Variants in KDM4B observed in about 807,000 individuals in gnomAD.
KDM4B encodes lysine-specific demethylase 4B.
A neutral mutation model predicts 125.2 loss-of-function variants in KDM4B; 32 were observed. The observed-to-expected ratio is 0.26, with a 90% CI of 0.19 to 0.34. The LOEUF (loss-of-function observed/expected upper bound fraction) is 0.34, where lower values mean the gene tolerates loss of function less well. Among genes scored for constraint, KDM4B ranks in the 10% least tolerant of loss-of-function variants. The pLI, the probability that KDM4B is intolerant of heterozygous loss-of-function variation, is 1.00. For synonymous variants in KDM4B, 721 were observed against 677.9 expected (o/e 1.06, Z -0.99); for missense variants, 1,190 against 1,577.7 (o/e 0.75, Z 4.16).
chr19:5,106,384 G>A (rs1297254083), intron 9 of KDM4B, among the ~76,000 whole-genome samples: 1 of 152,174 alleles, frequency 6.6e-6, no homozygotes, highest in Non-Finnish European at 1.5e-5. Context: ...TGCCTGGAGT[G>A]TGCAAAGATC....
chr19:5,047,181 A>G (rs1218415658), intron 5 of KDM4B: 2 of 349,742 alleles, frequency 5.7e-6, no homozygotes, highest in Non-Finnish European at 1.0e-5. Flanking sequence ...CCTATAGCCT[A>G]TAGTCCCAGG....
chr19:5,148,258 A>G (rs1268124001), intron 21 of KDM4B, among the ~76,000 whole-genome samples: 1 of 152,214 alleles, frequency 6.6e-6, no homozygotes, highest in Non-Finnish European at 1.5e-5. Flanking sequence ...GGAGACTCAT[A>G]GTGAAAGCAC....
At chr19:5,018,708 G>C (rs1189029767) in intron 2 of KDM4B, among the ~76,000 whole-genome samples, 1 of 152,188 alleles carries the variant, frequency 6.6e-6, no homozygotes, top group East Asian at 1.9e-4. Flanking sequence ...GTCCCCCTCA[G>C]CAGTTGCTCT....
At chr19:4,996,712 A>G (rs866175255) in intron 1 of KDM4B, among the ~76,000 whole-genome samples, 15 of 152,006 alleles carry the variant, frequency 9.9e-5, no homozygotes, top group South Asian at 2.1e-4. Flanking sequence ...CCCTCCTTAT[A>G]ACCTGTCTCC....
At chr19:5,130,902 G>A (rs115091310) in intron 11 of KDM4B, among the ~76,000 whole-genome samples, 174 bp from the exon 12 acceptor site, 3 of 152,374 alleles carry the variant, frequency 2.0e-5, no homozygotes, top group African/African-American at 4.8e-5. Context: ...GTGCCCCTGC[G>A]GTGATCTGAG....
chr19:5,009,845 C>T (rs1021840791), intron 1 of KDM4B, among the ~76,000 whole-genome samples: 11 of 152,136 alleles, frequency 7.2e-5, no homozygotes, highest in Non-Finnish European at 1.3e-4. Flanking sequence ...GATTCTCCTG[C>T]CTCAGCCTCC....
At chr19:5,122,381 C>A (rs1422856007) in intron 11 of KDM4B, among the ~76,000 whole-genome samples, 2 of 152,206 alleles carry the variant, frequency 1.3e-5, no homozygotes, top group East Asian at 3.9e-4. Context: ...CTGAATATTC[C>A]TTCTGCCACG....
In KDM4B at chr19:5,054,487, TGTGC is replaced by T. The variant is rs1287464237; in HGVS notation, c.626+6820_626+6823del. 7.0e-5 allele frequency among the ~76,000 whole-genome samples: 8 copies of T among 114,706 alleles called. No homozygotes were observed. The East Asian group carries it at 1.1e-3, about 15-fold the overall frequency. The allele number at this position is 114,706 out of a possible 152,430, so 75.3% of individuals were successfully genotyped here. On this transcript the variant is annotated intron_variant, in intron 6 of 22. Transcript: ENST00000159111. Reference sequence around the variant, plus strand: ...ATGTGTGTGTGTGTGTGTGTGTGTGTGTGCGCGCGCATGCACATGCGTACACATG... The same window carrying T: ...ATGTGTGTGTGTGTGTGTGTGTGTGTGCGCGCATGCACATGCGTACACATG...
chr19:5,014,534 C>T (rs1333559198), intron 1 of KDM4B, among the ~76,000 whole-genome samples: 2 of 152,110 alleles, frequency 1.3e-5, no homozygotes, highest in Non-Finnish European at 2.9e-5. Flanking sequence ...CTCGGCCTCC[C>T]AAAGTGCTGG....
At chr19:4,988,898 C>T (rs1272859234) in intron 1 of KDM4B, among the ~76,000 whole-genome samples, 1 of 152,242 alleles carries the variant, frequency 6.6e-6, no homozygotes, top group Non-Finnish European at 1.5e-5. Flanking sequence ...ATGCCCCTCC[C>T]CTCCCGTCCA....
chr19:5,083,940 C>A (rs2038386335), intron 9 of KDM4B, among the ~76,000 whole-genome samples: 1 of 152,156 alleles, frequency 6.6e-6, no homozygotes, highest in African/African-American at 2.4e-5. Context: ...TTGACTCTCG[C>A]AGCATTTTCT....
At chr19:5,085,744 AC>A (rs1289888690) in intron 9 of KDM4B, among the ~76,000 whole-genome samples, 1 of 152,122 alleles carries the variant, frequency 6.6e-6, no homozygotes, top group East Asian at 1.9e-4. Context: ...CGAGGGCCTT[AC>A]GCAGGGAGTG....
chr19:5,025,684 G>A (rs953862526), intron 2 of KDM4B, among the ~76,000 whole-genome samples: 1 of 152,144 alleles, frequency 6.6e-6, no homozygotes, highest in African/African-American at 2.4e-5. Context: ...GGCCTCTGGG[G>A]CCTTAGCTCT....
At chr19:5,051,396 A>G (rs1422568091) in intron 6 of KDM4B, among the ~76,000 whole-genome samples, 1 of 152,142 alleles carries the variant, frequency 6.6e-6, no homozygotes, top group African/African-American at 2.4e-5. Flanking sequence ...CCCCCAACCC[A>G]TCAGACACCC....
chr19:5,117,094 C>T (rs2039271770), intron 10 of KDM4B, among the ~76,000 whole-genome samples: 1 of 152,256 alleles, frequency 6.6e-6, no homozygotes, highest in East Asian at 1.9e-4. Context: ...TTGAGCCCTA[C>T]CCAGTTCCAT....
intron 9 of KDM4B, among the ~76,000 whole-genome samples, chr19:5,088,580 C>T (rs530181517): frequency 3.6e-4 from 54 of 152,022 alleles, no homozygotes; most frequent in Admixed American, 7.9e-4. Context: ...CTAGGCCGTT[C>T]ATCTGTGGGC....
At chr19:5,038,672 C>A (rs2036708811) in intron 3 of KDM4B, among the ~76,000 whole-genome samples, 2 of 152,238 alleles carry the variant, frequency 1.3e-5, no homozygotes, top group Admixed American at 1.3e-4. Flanking sequence ...TCTGTCTGCT[C>A]ACCCCAGGGT....
rs2038288473 is a variant in KDM4B, at chr19:5,081,370, A to C, written c.781-997A>C. Among the ~76,000 whole-genome samples, 1 of 152,138 alleles carries C rather than the reference A, an allele frequency of 6.6e-6. No individual in the cohort carries two copies. The highest frequency in any genetic ancestry group is 2.4e-5 in the African/African-American group (1 of 41,416). On this transcript the variant is annotated intron_variant, in intron 8 of 22. Coordinates refer to ENST00000159111, the MANE Select transcript of KDM4B (RefSeq NM_015015.3). The surrounding 1 kb of genome is among the most constrained non-coding windows in gnomAD (Gnocchi z 4.2). ...TTTATCAACGGGCTTAGCAGTGAGC[A>C]GGGAGTGGGGGTCAGTGTGGCCATC...
At chr19:5,125,315 A>G (rs2620847) in intron 11 of KDM4B, among the ~76,000 whole-genome samples, 114 of 152,224 alleles carry the variant, frequency 7.5e-4, no homozygotes, top group African/African-American at 2.6e-3. Flanking sequence ...TTGGCCTCCA[A>G]GAGACTCAGG....
Sources: allele counts gnomAD v4.1 joint callset (sites outside exome capture counted in the v4.1 genomes callset), GRCh38; gene constraint gnomAD v4.1.1; non-coding constraint Gnocchi (gnomAD v3.1); transcripts MANE v1.5; gene names NCBI Gene and HGNC (gene_info 2026-07-23, HGNC 2026-07-21).